ERC2: variants seen among roughly 807,000 people sequenced by gnomAD.
ERC2 encodes ELKS/RAB6-interacting/CAST family member 2.
A neutral mutation model predicts 114.8 loss-of-function variants in ERC2; 42 were observed. The observed-to-expected ratio is 0.37, with a 90% confidence interval of 0.29 to 0.47. ERC2 has a LOEUF of 0.47. Ranked by LOEUF, ERC2 falls within the 20% of genes least tolerant of loss-of-function variation. ERC2 has a pLI of 0.99. For synonymous variants in ERC2, 454 were observed against 425.5 expected, an observed-to-expected ratio of 1.07 and a Z score of -0.82; for missense variants, 939 against 1,150.7, an observed-to-expected ratio of 0.82 and a Z score of 2.66.
chr3:56,052,514 G>A (rs1160731594), intron 7 of ERC2, among the ~76,000 whole-genome samples: 1 of 152,186 alleles, frequency 6.6e-6, no homozygotes, highest in African/African-American at 2.4e-5. Context: ...TTGCAATGGA[G>A]GCCATCTGGC....
intron 17 of ERC2, among the ~76,000 whole-genome samples, chr3:55,604,263 T>G (rs2058546863): frequency 6.6e-6 from 1 of 151,994 alleles, no homozygotes; most frequent in Admixed American, 6.5e-5. Context: ...CCTCAAACTG[T>G]GTCCTAGGCA....
At chr3:56,303,733 G>C (rs954608805) in intron 2 of ERC2, among the ~76,000 whole-genome samples, 1 of 152,170 alleles carries the variant, frequency 6.6e-6, no homozygotes, top group Non-Finnish European at 1.5e-5. Flanking sequence ...CTGAAGCGAG[G>C]GAACTGAGAT....
rs374037876 is a variant in ERC2, at chr3:56,299,407, C to T, written c.658-2972G>A. On this transcript the variant is annotated intron_variant, in intron 2 of 17. Coordinates refer to ENST00000288221, the MANE Select transcript of ERC2 (RefSeq NM_015576.3). Reference sequence around the variant, plus strand: ...CCTCCCAAAGTGCTGGGATTACAGGCGTGAGCCACCACGCCCAGCTAATAG... The same window carrying T: ...CCTCCCAAAGTGCTGGGATTACAGGTGTGAGCCACCACGCCCAGCTAATAG... 6.2e-5 allele frequency among the ~76,000 whole-genome samples: 9 copies of T among 145,854 alleles called. No homozygotes were observed. The East Asian group carries it at 1.9e-3, about 30-fold the overall frequency.
At chr3:56,190,911 C>T (rs1234278752) in intron 3 of ERC2, among the ~76,000 whole-genome samples, 1 of 151,914 alleles carries the variant, frequency 6.6e-6, no homozygotes, top group African/African-American at 2.4e-5. Context: ...ATAGTATGAC[C>T]CAAGTGAAAA....
chr3:56,258,978 T>C (rs1002291356), intron 3 of ERC2, among the ~76,000 whole-genome samples: 2 of 145,344 alleles, frequency 1.4e-5, no homozygotes, highest in African/African-American at 5.5e-5. Context: ...ATTAATTAAT[T>C]TTTTTTTTTT....
chr3:56,219,888 G>T (rs1287340737), intron 3 of ERC2, among the ~76,000 whole-genome samples: 2 of 152,130 alleles, frequency 1.3e-5, no homozygotes, highest in Non-Finnish European at 2.9e-5. Flanking sequence ...TCATCTCGCT[G>T]GGCCTCCCAT....
intron 14 of ERC2, among the ~76,000 whole-genome samples, chr3:55,795,436 C>CT (rs1316903150): frequency 6.6e-6 from 1 of 152,188 alleles, no homozygotes; most frequent in Non-Finnish European, 1.5e-5. Flanking sequence ...TGGGATCCTG[C>CT]TGTCATAAAA....
At chr3:56,064,457 AAAG>A (rs1440926146) in intron 7 of ERC2, among the ~76,000 whole-genome samples, 6 of 152,224 alleles carry the variant, frequency 3.9e-5, no homozygotes, top group African/African-American at 1.4e-4. Flanking sequence ...ATAACTAAAG[AAAG>A]AAATATCTCC....
intron 10 of ERC2, among the ~76,000 whole-genome samples, chr3:56,005,563 TA>T (rs1179900052): frequency 6.6e-6 from 1 of 152,048 alleles, no homozygotes; most frequent in East Asian, 1.9e-4. Context: ...TGATTTACAC[TA>T]AAAAGGAAGG....
At chr3:55,828,476 G>GCAGCAGGGGCAGCAGGC (rs2060427358) in intron 14 of ERC2, among the ~76,000 whole-genome samples, 3 of 115,062 alleles carry the variant, frequency 2.6e-5, no homozygotes, top group African/African-American at 8.5e-5. Context: ...GGGCAGCAGG[G>GCAGCAGGGGCAGCAGGC]GCAGCAGGGG....
At chr3:56,122,434 G>C (rs1052930669) in intron 6 of ERC2, among the ~76,000 whole-genome samples, 1 of 151,972 alleles carries the variant, frequency 6.6e-6, no homozygotes, top group African/African-American at 2.4e-5. Flanking sequence ...ATTTATTCTC[G>C]GTTTAAAATT....
At chr3:56,071,018 A>G (rs779739496) in intron 7 of ERC2, among the ~76,000 whole-genome samples, 10 of 152,286 alleles carry the variant, frequency 6.6e-5, no homozygotes, top group Non-Finnish European at 1.2e-4. Context: ...TATGTGTAGT[A>G]TACCTGGCTG....
At chr3:56,081,689 T>C (rs1474751040) in intron 6 of ERC2, among the ~76,000 whole-genome samples, 1 of 152,132 alleles carries the variant, frequency 6.6e-6, no homozygotes, top group Non-Finnish European at 1.5e-5. Flanking sequence ...TAAGTTTTTT[T>C]TTTAATTTAA....
Position 55,899,189 on chromosome 3 carries a change from AC to A in ERC2, c.2404-10641del, listed in dbSNP as rs79168832. ...TTATTTCGGTCTTTGTGGAACATTT[AC>A]CTTTTTTGGTCACGGGAAACAAACA... On this transcript the variant is annotated intron_variant, in intron 13 of 17. Transcript: ENST00000288221. Among the ~76,000 whole-genome samples the A allele has an allele frequency of 3.8e-4, 58 of 152,320 alleles. 1 individual carries two copies. The East Asian group carries it at 9.8e-3, about 26-fold the overall frequency.
intron 17 of ERC2, among the ~76,000 whole-genome samples, chr3:55,519,639 A>T (rs2052765587): frequency 6.6e-6 from 1 of 151,958 alleles, no homozygotes; most frequent in Non-Finnish European, 1.5e-5. Context: ...CCTTATATTG[A>T]TCTCTTCTGC....
intron 7 of ERC2, among the ~76,000 whole-genome samples, chr3:56,022,594 T>G (rs2073792839): frequency 6.6e-6 from 1 of 152,358 alleles, no homozygotes; most frequent in African/African-American, 2.4e-5. Flanking sequence ...GTTCACAAAT[T>G]GTTATGACAT....
chr3:55,828,102 A>G (rs1160795839), intron 14 of ERC2, among the ~76,000 whole-genome samples: 1 of 152,258 alleles, frequency 6.6e-6, no homozygotes, highest in Non-Finnish European at 1.5e-5. Context: ...GCACGAAAGA[A>G]TAAATTCTGA....
intron 3 of ERC2, among the ~76,000 whole-genome samples, chr3:56,217,937 T>C (rs1560398695): frequency 6.6e-6 from 1 of 152,052 alleles, no homozygotes; most frequent in Non-Finnish European, 1.5e-5. Context: ...GCTAGCCATA[T>C]GTAGAAAGCT....
chr3:55,939,603 A>T (rs1487243011), intron 13 of ERC2, among the ~76,000 whole-genome samples: 4 of 152,256 alleles, frequency 2.6e-5, no homozygotes, highest in Non-Finnish European at 2.9e-5. Context: ...CACTCTGATA[A>T]ACATGTTTTG....
Sources: allele counts gnomAD v4.1 joint callset (sites outside exome capture counted in the v4.1 genomes callset), GRCh38; gene constraint gnomAD v4.1.1; transcripts MANE v1.5; gene names NCBI Gene and HGNC (gene_info 2026-07-23, HGNC 2026-07-21).